Variants in EXOC2 observed in about 807,000 individuals in gnomAD.
EXOC2 encodes SEC5-like 1.
Under a neutral mutation model 131.8 loss-of-function variants are expected in EXOC2, and 70 were observed. That is an observed-to-expected ratio of 0.53 (90% CI 0.44 to 0.65). EXOC2 has a LOEUF of 0.65. EXOC2 is among the 30% of genes least tolerant of loss of function. The pLI is 0.00. For missense variants in EXOC2, 923 were observed against 1,108.6 expected (o/e 0.83, Z 2.38); for synonymous variants, 411 against 398.4 (o/e 1.03, Z -0.38).
chr6:644,499 G>T (rs1762493013), intron 1 of EXOC2, among the ~76,000 whole-genome samples: 1 of 152,036 alleles, frequency 6.6e-6, no homozygotes, highest in Non-Finnish European at 1.5e-5. Context: ...AGAAGTTCTA[G>T]CAGTGCAATA....
chr6:680,684 T>C (rs185611963), intron 1 of EXOC2, among the ~76,000 whole-genome samples: 12 of 152,170 alleles, frequency 7.9e-5, no homozygotes, highest in Admixed American at 5.2e-4. Flanking sequence ...GTTATATGCA[T>C]TTTTTTGGGC....
intron 1 of EXOC2, among the ~76,000 whole-genome samples, chr6:641,282 T>C (rs947582835): frequency 2.0e-5 from 3 of 152,004 alleles, no homozygotes; most frequent in Non-Finnish European, 4.4e-5. Flanking sequence ...GTCTGGGGTA[T>C]GTTGTATAAT....
intron 23 of EXOC2, among the ~76,000 whole-genome samples, chr6:502,539 T>G (rs1764284503): frequency 6.6e-6 from 1 of 152,084 alleles, no homozygotes; most frequent in African/African-American, 2.4e-5. Flanking sequence ...GCCTAAGCAT[T>G]ACTAATAAGA....
chr6:656,681 G>A lies in EXOC2; in HGVS notation c.-43-18820C>T, dbSNP rs143403601. 2,251 of 1,606,938 alleles carry A rather than the reference G, an allele frequency of 1.4e-3. 28 individuals carry two copies. In the African/African-American group the frequency reaches 0.027, roughly 19 times the overall value. ...CGCCCGCTGCGCTTCTCGCCGCCCG[G>A]GACAGGTGCTCCGCCGTCAGCTCCA... is the stretch of plus-strand genomic sequence containing the variant. On this transcript the variant is annotated intron_variant, in intron 1 of 27. Transcript: ENST00000230449.
intron 23 of EXOC2, among the ~76,000 whole-genome samples, chr6:521,735 C>T (rs1255023452): frequency 6.6e-6 from 1 of 152,038 alleles, no homozygotes; most frequent in East Asian, 1.9e-4. Flanking sequence ...ACTATGTTGC[C>T]CAGGTTGGTC....
chr6:620,923 G>A (rs1412496853), intron 4 of EXOC2, among the ~76,000 whole-genome samples: 1 of 152,174 alleles, frequency 6.6e-6, no homozygotes, highest in East Asian at 1.9e-4. Context: ...CCAGGTATTC[G>A]AACCTACTTG....
At chr6:603,783 G>C (rs1760243756) in intron 7 of EXOC2, among the ~76,000 whole-genome samples, 1 of 152,018 alleles carries the variant, frequency 6.6e-6, no homozygotes, top group African/African-American at 2.4e-5. Context: ...AATCCTGTTT[G>C]TCCAACTACC....
chr6:576,187 T>C (rs1337033340), intron 12 of EXOC2, among the ~76,000 whole-genome samples: 2 of 152,224 alleles, frequency 1.3e-5, no homozygotes, highest in Non-Finnish European at 2.9e-5. Context: ...TCCTGACTAG[T>C]GGCATCTAAT....
At chr6:608,340 T>C (rs567220178) in intron 7 of EXOC2, among the ~76,000 whole-genome samples, 2 of 152,224 alleles carry the variant, frequency 1.3e-5, no homozygotes, top group Non-Finnish European at 2.9e-5. Flanking sequence ...TGACCTGAAT[T>C]AGGAAAAACA....
intron 22 of EXOC2, among the ~76,000 whole-genome samples, chr6:539,020 A>G (rs1766636531): frequency 6.6e-6 from 1 of 151,974 alleles, no homozygotes; most frequent in Admixed American, 6.6e-5. Flanking sequence ...CAGTGAGCCA[A>G]GATCACACCA....
chr6:505,870 C>T (rs150720858), intron 23 of EXOC2, among the ~76,000 whole-genome samples: 53 of 152,340 alleles, frequency 3.5e-4, no homozygotes, highest in African/African-American at 1.3e-3. Flanking sequence ...AAGACCATGT[C>T]TGTCTTGCTC....
At chr6:613,437 G>A (rs1334488628) in intron 6 of EXOC2, among the ~76,000 whole-genome samples, 2 of 151,688 alleles carry the variant, frequency 1.3e-5, no homozygotes, top group Admixed American at 6.6e-5. Flanking sequence ...TGCAGATGAT[G>A]TAAAAAAAAG....
At chr6:575,817 A>G (rs911425096) in intron 12 of EXOC2, among the ~76,000 whole-genome samples, 3 of 152,246 alleles carry the variant, frequency 2.0e-5, no homozygotes, top group South Asian at 2.1e-4. Context: ...TACATTGAAC[A>G]TTATATAATG....
At chr6:543,123 T>C (rs2127556705) in intron 22 of EXOC2, among the ~76,000 whole-genome samples, 1 of 152,120 alleles carries the variant, frequency 6.6e-6, no homozygotes, top group African/African-American at 2.4e-5. Flanking sequence ...GAACAGCAAA[T>C]TAGAGAGGTA....
At chr6:674,443 T>C (rs1207271253) in intron 1 of EXOC2, among the ~76,000 whole-genome samples, 2 of 152,186 alleles carry the variant, frequency 1.3e-5, no homozygotes, top group African/African-American at 2.4e-5. Context: ...TTGTACTAAA[T>C]ATGAACTGTG....
At chr6:647,474 C>A (rs760731150) in intron 1 of EXOC2, among the ~76,000 whole-genome samples, 1 of 149,334 alleles carries the variant, frequency 6.7e-6, no homozygotes, top group Non-Finnish European at 1.5e-5. Context: ...CCTAGAGATG[C>A]TGAGTGTCTT....
intron 23 of EXOC2, among the ~76,000 whole-genome samples, chr6:500,295 C>G (rs1470956219): frequency 6.6e-6 from 1 of 152,186 alleles, no homozygotes; most frequent in Non-Finnish European, 1.5e-5. Flanking sequence ...GAATTTGATT[C>G]TGTAAGCAAG....
intron 11 of EXOC2, among the ~76,000 whole-genome samples, chr6:583,730 C>T (rs1759042873): frequency 6.6e-6 from 1 of 152,210 alleles, no homozygotes; most frequent in South Asian, 2.1e-4. Context: ...CCCCACTAAG[C>T]ATTTCATCTT....
At chr6:642,414 G>A (rs949384535) in intron 1 of EXOC2, among the ~76,000 whole-genome samples, 1 of 152,174 alleles carries the variant, frequency 6.6e-6, no homozygotes, top group Non-Finnish European at 1.5e-5. Context: ...AGAGCTGCTT[G>A]CTTGGTGTGT....
Sources: allele counts gnomAD v4.1 joint callset (sites outside exome capture counted in the v4.1 genomes callset), GRCh38; gene constraint gnomAD v4.1.1; transcripts MANE v1.5; gene names NCBI Gene and HGNC (gene_info 2026-07-23, HGNC 2026-07-21).